Variants in ARHGAP39 observed in about 807,000 individuals in gnomAD.
The protein encoded by ARHGAP39 is rho GTPase-activating protein 39.
A neutral mutation model predicts 106.9 loss-of-function variants in ARHGAP39; 44 were observed. The ratio of observed to expected loss-of-function variants is 0.41; its 90% CI spans 0.32 to 0.53. The LOEUF (loss-of-function observed/expected upper bound fraction) is 0.53, where lower values mean the gene tolerates loss of function less well. Ranked by LOEUF, ARHGAP39 falls within the 20% of genes least tolerant of loss-of-function variation. The pLI, the probability that ARHGAP39 is intolerant of heterozygous loss-of-function variation, is 0.21. For synonymous variants in ARHGAP39, 768 were observed against 693.2 expected (o/e 1.11, Z -1.69); for missense variants, 1,496 against 1,577.3 (o/e 0.95, Z 0.87).
At chr8:144,530,644 A>AGGGGGGGGGGGGG in intron 11 of ARHGAP39, 28 bp from the exon 12 acceptor site, 1 of 189,568 alleles carries the variant, frequency 5.3e-6, no homozygotes, top group Non-Finnish European at 6.9e-6. Flanking sequence ...GTGGGCGCGG[A>AGGGGGGGGGGGGG]GGGGCGGGGG....
At chr8:144,596,245 C>T (rs1385986282) in intron 2 of ARHGAP39, among the ~76,000 whole-genome samples, 3 of 151,056 alleles carry the variant, frequency 2.0e-5, no homozygotes, top group Non-Finnish European at 3.0e-5. Flanking sequence ...TCTCCACCAC[C>T]CCTCAGTGGG....
intron 3 of ARHGAP39, among the ~76,000 whole-genome samples, chr8:144,580,012 G>A (rs924388887): frequency 1.3e-5 from 2 of 151,402 alleles, no homozygotes; most frequent in African/African-American, 4.9e-5. Flanking sequence ...CTGCTGGCCT[G>A]CCGCCTGCCT....
intron 1 of ARHGAP39, among the ~76,000 whole-genome samples, chr8:144,639,111 G>C (rs1305179833): frequency 1.3e-5 from 2 of 152,134 alleles, no homozygotes; most frequent in Non-Finnish European, 2.9e-5. Flanking sequence ...TAGATCACTT[G>C]AGGTCAGGAG....
At chr8:144,601,730 TGTGTGC>T (rs1462671654) in intron 2 of ARHGAP39, among the ~76,000 whole-genome samples, 4 of 142,188 alleles carry the variant, frequency 2.8e-5, no homozygotes, top group South Asian at 2.3e-4. Context: ...TGTACCTGTG[TGTGTGC>T]GTGGAGGCGT....
intron 3 of ARHGAP39, among the ~76,000 whole-genome samples, chr8:144,562,512 T>C (rs866920863): frequency 1.8e-3 from 265 of 146,626 alleles, no homozygotes; most frequent in Admixed American, 6.4e-3. Flanking sequence ...TCGGACTCAC[T>C]CCAGTGGTTT....
chr8:144,698,886 C>T, the ARHGAP39 span: 23 of 455,874 alleles, frequency 5.0e-5, no homozygotes, highest in Middle Eastern at 2.6e-3. Context: ...CCACCCCTCC[C>T]TTGGGGGGGT....
chr8:144,664,188 G>A (rs1821904013), intron 1 of ARHGAP39, among the ~76,000 whole-genome samples: 1 of 152,046 alleles, frequency 6.6e-6, no homozygotes, highest in Non-Finnish European at 1.5e-5. Flanking sequence ...GAAAAAAAAT[G>A]AGGACAAAAA....
At position 144,647,868 on chromosome 8, in the gene ARHGAP39, A is replaced by G. The variant is rs1003470891; in HGVS notation, c.-82+37818T>C. On this transcript the variant is annotated intron_variant, in intron 1 of 11. Coordinates refer to ENST00000377307, the MANE Select transcript of ARHGAP39 (RefSeq NM_025251.3). The surrounding 1 kb of genome is among the most constrained non-coding windows in gnomAD (Gnocchi z 4.8). Reference sequence around the variant, plus strand: ...CCATGTGCCAAGTACTGTACATAAAATAAGTCCATATCCAGACTCATTGCC... The same window carrying G: ...CCATGTGCCAAGTACTGTACATAAAGTAAGTCCATATCCAGACTCATTGCC... Among the ~76,000 whole-genome samples the G allele has an allele frequency of 2.0e-5, 3 of 152,260 alleles. No homozygotes were observed. Among genetic ancestry groups the G allele is most frequent in the Admixed American group, 6.5e-5 (1 of 15,290 alleles).
intron 10 of ARHGAP39, among the ~76,000 whole-genome samples, 181 bp from the exon 11 acceptor site, chr8:144,531,052 G>A (rs873883): frequency 0.52 from 78,880 of 151,830 alleles, 20,812 homozygotes; most frequent in East Asian, 0.63. Flanking sequence ...TTCGGCTCCT[G>A]GGGGCCTGAA....
chr8:144,621,756 T>G (rs1286008004), intron 1 of ARHGAP39, among the ~76,000 whole-genome samples: 1 of 152,328 alleles, frequency 6.6e-6, no homozygotes, highest in African/African-American at 2.4e-5. Context: ...AGGTAGAGGC[T>G]GCAGTGAGCC....
intron 2 of ARHGAP39, among the ~76,000 whole-genome samples, chr8:144,600,618 G>T (rs550363928): frequency 6.8e-6 from 1 of 148,020 alleles, no homozygotes; most frequent in East Asian, 2.1e-4. Context: ...GGAGGCGTGC[G>T]TGCGCACTTG....
chr8:144,580,933 G>A lies in ARHGAP39; in HGVS notation c.425C>T (p.Pro142Leu), dbSNP rs756461289. The A allele has an allele frequency of 1.1e-5, 18 of 1,605,574 alleles. No individual in the cohort carries two copies. The highest frequency in any genetic ancestry group is 1.5e-5 in the Non-Finnish European group (18 of 1,178,284). The change falls in exon 3 of 12, where the codon CCC becomes CTC. Residue 142 changes from proline to leucine, a missense_variant. Physicochemically the swap from Pro to Leu is moderately conservative, Grantham distance 98 (BLOSUM62 -3). Coordinates refer to ENST00000377307, the MANE Select transcript of ARHGAP39 (RefSeq NM_025251.3). Reference protein sequence around the residue: ...REGSTSSSLEPEPDTEKAQEL... With the variant: ...REGSTSSSLELEPDTEKAQEL... ...CTGCGCTTTCTCAGTGTCGGGCTCG[G>A]GCTCCAGGGAGGAGCTGGTGCTGCC...
At position 144,585,526 on chromosome 8, in the gene ARHGAP39, C is replaced by A. The variant is rs1194134313; in HGVS notation, c.81-4249G>T. On this transcript the variant is annotated intron_variant, in intron 2 of 11. Transcript: ENST00000377307. The surrounding 1 kb of genome is among the most constrained non-coding windows in gnomAD (Gnocchi z 4.6). ...TTGCCCTTAGCTCCAGGGCAACTCT[C>A]CCTGGAGACAACCCTTGGCCTCAGC... is the stretch of plus-strand genomic sequence containing the variant. Among the ~76,000 whole-genome samples the A allele has an allele frequency of 2.6e-5, 4 of 152,068 alleles. No homozygotes were observed. Among genetic ancestry groups the A allele is most frequent in the Non-Finnish European group, 5.9e-5 (4 of 68,016 alleles).
chr8:144,566,330 G>A (rs762844166), intron 3 of ARHGAP39, among the ~76,000 whole-genome samples: 1 of 152,114 alleles, frequency 6.6e-6, no homozygotes. Flanking sequence ...TTTGGGGGCC[G>A]AGGCAGGTGG....
chr8:144,684,671 C>T lies in ARHGAP39; in HGVS notation c.-82+1015G>A, dbSNP rs1369782031. 1.3e-5 allele frequency among the ~76,000 whole-genome samples: 2 copies of T among 152,216 alleles called. No homozygotes were observed. The highest frequency in any genetic ancestry group is 4.8e-5 in the African/African-American group (2 of 41,454). On this transcript the variant is annotated intron_variant, in intron 1 of 11. Transcript: ENST00000377307. The surrounding 1 kb of genome is among the most constrained non-coding windows in gnomAD (Gnocchi z 4.4). ...CGTCCTGGGCCCCAAAATGCACAGC[C>T]CGCCTCTCTCGCCGCCCTGGGCACG...
intron 3 of ARHGAP39, among the ~76,000 whole-genome samples, chr8:144,576,730 C>T (rs1246966183): frequency 1.3e-5 from 2 of 152,204 alleles, no homozygotes; most frequent in Admixed American, 6.5e-5. Flanking sequence ...GAGAGGAAGC[C>T]GGAGGTTCCA....
rs182389347 is a variant in ARHGAP39, at chr8:144,643,889, T to C, written c.-81-38194A>G. The stretch of plus-strand genomic sequence containing the variant: ...TGCTATTGTTTTTCACCCAATAGGA[T>C]GGCTAGGGAAAAAAAGAAAGGCAAT... On this transcript the variant is annotated intron_variant, in intron 1 of 11. Coordinates refer to ENST00000377307, the MANE Select transcript of ARHGAP39 (RefSeq NM_025251.3). Among the ~76,000 whole-genome samples the C allele has an allele frequency of 7.6e-4, 116 of 151,982 alleles. 2 individuals are homozygous for C. The South Asian group carries it at 0.013, about 17-fold the overall frequency.
intron 2 of ARHGAP39, among the ~76,000 whole-genome samples, chr8:144,581,963 C>T (rs1023151152): frequency 2.6e-5 from 4 of 151,968 alleles, no homozygotes; most frequent in East Asian, 1.9e-4. Context: ...TGCCAGGAGG[C>T]GTTCCCATGG....
chr8:144,675,900 C>T (rs1238299957), intron 1 of ARHGAP39, among the ~76,000 whole-genome samples: 1 of 152,168 alleles, frequency 6.6e-6, no homozygotes, highest in Non-Finnish European at 1.5e-5. Flanking sequence ...AGTGAAGCTG[C>T]AGACCTTCGC....
Sources: allele counts gnomAD v4.1 joint callset (sites outside exome capture counted in the v4.1 genomes callset), GRCh38; gene constraint gnomAD v4.1.1; non-coding constraint Gnocchi (gnomAD v3.1); transcripts MANE v1.5; gene names NCBI Gene and HGNC (gene_info 2026-07-23, HGNC 2026-07-21).